Variants in GABRB3 observed in about 807,000 individuals in gnomAD.
GABRB3 encodes gamma-aminobutyric acid receptor subunit beta-3.
A neutral mutation model predicts 52.1 loss-of-function variants in GABRB3; 14 were observed. The observed-to-expected ratio is 0.27, with a 90% CI of 0.18 to 0.42. The LOEUF (loss-of-function observed/expected upper bound fraction) is 0.42, where lower values mean the gene tolerates loss of function less well. GABRB3 is among the 10% of genes least tolerant of loss of function. The pLI is 1.00. For missense variants in GABRB3, 307 were observed against 609.1 expected, an observed-to-expected ratio of 0.50 and a Z score of 5.22; for synonymous variants, 260 against 232.3, an observed-to-expected ratio of 1.12 and a Z score of -1.08.
At chr15:26,584,093 T>A (rs1890890130) in intron 4 of GABRB3, among the ~76,000 whole-genome samples, 1 of 152,206 alleles carries the variant, frequency 6.6e-6, no homozygotes, top group South Asian at 2.1e-4. Context: ...CCCATTTAGC[T>A]CTTTTTGTGT....
At chr15:26,670,237 T>A (rs1356846865) in intron 3 of GABRB3, among the ~76,000 whole-genome samples, 1 of 152,066 alleles carries the variant, frequency 6.6e-6, no homozygotes, top group Non-Finnish European at 1.5e-5. Flanking sequence ...GGCAGAGATG[T>A]GCAGGATGCT....
chr15:26,734,364 C>A (rs1006880430), intron 3 of GABRB3, among the ~76,000 whole-genome samples: 1 of 151,936 alleles, frequency 6.6e-6, no homozygotes, highest in African/African-American at 2.4e-5. Flanking sequence ...AAACACAGGG[C>A]AAAATCTTCA....
chr15:26,684,230 C>A (rs1566804589), intron 3 of GABRB3, among the ~76,000 whole-genome samples: 1 of 152,138 alleles, frequency 6.6e-6, no homozygotes, highest in Non-Finnish European at 1.5e-5. Context: ...AAGTCTGGAT[C>A]CACCCAGGAG....
At chr15:26,686,396 T>C (rs745415507) in intron 3 of GABRB3, among the ~76,000 whole-genome samples, 1 of 152,350 alleles carries the variant, frequency 6.6e-6, no homozygotes, top group African/African-American at 2.4e-5. Flanking sequence ...ACCTCTTTGC[T>C]GTTGTTGAGA....
chr15:26,551,464 G>A (rs1343801583), intron 8 of GABRB3, among the ~76,000 whole-genome samples: 2 of 152,164 alleles, frequency 1.3e-5, no homozygotes, highest in African/African-American at 2.4e-5. Context: ...GACACACACG[G>A]CATGCCCACA....
chr15:26,751,460 C>T (rs1890504897), intron 3 of GABRB3, among the ~76,000 whole-genome samples: 1 of 152,056 alleles, frequency 6.6e-6, no homozygotes, highest in Non-Finnish European at 1.5e-5. Flanking sequence ...AGATTTCCTT[C>T]GTTAAAAAAG....
At chr15:26,728,262 T>C (rs750200690) in intron 3 of GABRB3, among the ~76,000 whole-genome samples, 1 of 152,170 alleles carries the variant, frequency 6.6e-6, no homozygotes, top group Non-Finnish European at 1.5e-5. Context: ...ATCTTCCCTC[T>C]GTAACAGCAC....
intron 3 of GABRB3, among the ~76,000 whole-genome samples, chr15:26,645,287 C>G (rs1416653548): frequency 6.6e-6 from 1 of 152,170 alleles, no homozygotes; most frequent in Non-Finnish European, 1.5e-5. Flanking sequence ...CTGGTGAACT[C>G]TTTTGGTCAT....
At chr15:26,575,032 C>T (rs571737317) in intron 6 of GABRB3, among the ~76,000 whole-genome samples, 1 of 152,290 alleles carries the variant, frequency 6.6e-6, no homozygotes, top group Non-Finnish European at 1.5e-5. Context: ...TCTTTCTTTT[C>T]TTTTCCTCCT....
chr15:26,758,061 T>C (rs1211572050), intron 3 of GABRB3, among the ~76,000 whole-genome samples: 1 of 152,032 alleles, frequency 6.6e-6, no homozygotes, highest in African/African-American at 2.4e-5. Flanking sequence ...TTTTCACAGT[T>C]TCCTTTATAA....
intron 3 of GABRB3, among the ~76,000 whole-genome samples, chr15:26,651,787 A>C (rs1303535464): frequency 1.3e-5 from 2 of 152,198 alleles, no homozygotes; most frequent in African/African-American, 2.4e-5. Flanking sequence ...ATCACATGGC[A>C]GACAGGAGGC....
intron 4 of GABRB3, among the ~76,000 whole-genome samples, chr15:26,616,600 C>T (rs1252194557): frequency 7.5e-6 from 1 of 132,678 alleles, no homozygotes; most frequent in Non-Finnish European, 1.5e-5. Flanking sequence ...CTATACTACA[C>T]TTGAAAAAAA....
At chr15:26,630,678 A>G (rs1663315011) in intron 3 of GABRB3, among the ~76,000 whole-genome samples, 1 of 152,180 alleles carries the variant, frequency 6.6e-6, no homozygotes, top group African/African-American at 2.4e-5. Context: ...TTAAAAAGCC[A>G]TTTATTCATC....
chr15:26,725,933 A>G (rs888938694), intron 3 of GABRB3, among the ~76,000 whole-genome samples: 2 of 152,250 alleles, frequency 1.3e-5, no homozygotes, highest in Admixed American at 6.5e-5. Context: ...ATCACCACCA[A>G]AAAACACAGT....
At chr15:26,689,672 T>G (rs59755745) in intron 3 of GABRB3, among the ~76,000 whole-genome samples, 10,105 of 151,934 alleles carry the variant, frequency 0.067, 760 homozygotes, top group East Asian at 0.46. Context: ...TGTGCATCCA[T>G]GTCAACCAAC....
rs151333680 is a variant in GABRB3 at position 26,659,383 on chromosome 15, G to A, written c.241-37849C>T. On this transcript the variant is annotated intron_variant, in intron 3 of 8. Transcript: ENST00000311550. ...ATTAAAATACAAAAATTAGCCAGGC[G>A]TGGTGGGGAGCGCCTTTAATCCCAG... Among the ~76,000 whole-genome samples, 1,372 of 152,180 alleles carry A rather than the reference G, an allele frequency of 9.0e-3. 22 individuals carry two copies. The highest frequency in any genetic ancestry group is 0.027 in the African/African-American group (1,138 of 41,528).
At chr15:26,690,040 T>C (rs1888535941) in intron 3 of GABRB3, among the ~76,000 whole-genome samples, 1 of 151,696 alleles carries the variant, frequency 6.6e-6, no homozygotes, top group South Asian at 2.1e-4. Flanking sequence ...TAAAATAGGG[T>C]ATTGGCCATA....
At chr15:26,568,744 C>CGA (rs1303911922) in intron 6 of GABRB3, among the ~76,000 whole-genome samples, 6 of 148,796 alleles carry the variant, frequency 4.0e-5, no homozygotes, top group African/African-American at 1.2e-4. Context: ...CTTGAACTCC[C>CGA]GACTTTGTGA....
At chr15:26,628,967 C>T (rs768089894) in intron 3 of GABRB3, 67 of 1,536,100 alleles carry the variant, frequency 4.4e-5, no homozygotes, top group South Asian at 4.3e-4. Flanking sequence ...CCCGCGTCCC[C>T]GACTTTTACC....
Sources: allele counts gnomAD v4.1 joint callset (sites outside exome capture counted in the v4.1 genomes callset), GRCh38; gene constraint gnomAD v4.1.1; transcripts MANE v1.5; gene names NCBI Gene and HGNC (gene_info 2026-07-23, HGNC 2026-07-21).